SYT1: variants seen among roughly 807,000 people sequenced by gnomAD.
SYT1 encodes synaptotagmin 1.
SYT1 carries 8 observed loss-of-function variants against 44.8 expected under a neutral mutation model. That is an observed-to-expected ratio of 0.18 (90% CI 0.10 to 0.32). The LOEUF (loss-of-function observed/expected upper bound fraction) is 0.32, where lower values mean the gene tolerates loss of function less well. Ranked by LOEUF, SYT1 falls within the 10% of genes least tolerant of loss-of-function variation. SYT1 has a pLI of 1.00. For synonymous variants in SYT1, 154 were observed against 188.8 expected, an observed-to-expected ratio of 0.82 and a Z score of 1.51; for missense variants, 286 against 509.3, an observed-to-expected ratio of 0.56 and a Z score of 4.22.
chr12:79,277,347 G>A (rs746299010), intron 4 of SYT1, among the ~76,000 whole-genome samples: 41 of 152,096 alleles, frequency 2.7e-4, no homozygotes, highest in Non-Finnish European at 1.0e-4. Flanking sequence ...AAACCAGAAG[G>A]CCTTGGGGTC....
At chr12:79,439,205 C>T (rs1438837350) in intron 9 of SYT1, among the ~76,000 whole-genome samples, 1 of 152,164 alleles carries the variant, frequency 6.6e-6, no homozygotes, top group Admixed American at 6.5e-5. Context: ...TTGATTTACA[C>T]TATCCTACAG....
At chr12:78,957,733 A>T (rs1879285204) in intron 1 of SYT1, among the ~76,000 whole-genome samples, 1 of 152,102 alleles carries the variant, frequency 6.6e-6, no homozygotes, top group South Asian at 2.1e-4. Context: ...TGGGTTGTTA[A>T]GGTCCTGTGC....
At chr12:79,387,805 C>T (rs759377597) in intron 9 of SYT1, among the ~76,000 whole-genome samples, 22 of 152,218 alleles carry the variant, frequency 1.4e-4, no homozygotes, top group South Asian at 2.1e-4. Context: ...TTGTTTATAA[C>T]GCCAGGCAAC....
chr12:79,105,217 C>T (rs1261759023), intron 3 of SYT1, among the ~76,000 whole-genome samples: 2 of 152,272 alleles, frequency 1.3e-5, no homozygotes, highest in East Asian at 3.9e-4. Context: ...TTTCGAGCTT[C>T]AGCCTTCTCA....
intron 1 of SYT1, among the ~76,000 whole-genome samples, chr12:78,910,181 T>A (rs79979177): frequency 0.025 from 3,841 of 152,108 alleles, 180 homozygotes; most frequent in African/African-American, 0.087. Context: ...AGGGCAGTTG[T>A]CATCTTACAT....
At chr12:79,056,033 C>T (rs1874908358) in intron 3 of SYT1, among the ~76,000 whole-genome samples, 1 of 151,968 alleles carries the variant, frequency 6.6e-6, no homozygotes, top group African/African-American at 2.4e-5. Context: ...AGTACAGTGA[C>T]ATGTACAGGT....
At chr12:78,907,948 T>C (rs1182971958) in intron 1 of SYT1, among the ~76,000 whole-genome samples, 1 of 151,950 alleles carries the variant, frequency 6.6e-6, no homozygotes, top group Non-Finnish European at 1.5e-5. Flanking sequence ...TAGAGAAAAG[T>C]TTTTCTCCAA....
At chr12:79,320,300 T>C (rs1592963247) in intron 8 of SYT1, among the ~76,000 whole-genome samples, 2 of 152,312 alleles carry the variant, frequency 1.3e-5, no homozygotes, top group East Asian at 1.9e-4. Context: ...AAAAAGCACA[T>C]GCTGCATCTT....
chr12:78,968,150 A>C (rs1349811069), intron 1 of SYT1, among the ~76,000 whole-genome samples: 2 of 152,134 alleles, frequency 1.3e-5, no homozygotes, highest in African/African-American at 2.4e-5. Flanking sequence ...ATAGGATGCA[A>C]TGTGGAATTA....
At chr12:79,173,795 T>G (rs1465989797) in intron 3 of SYT1, among the ~76,000 whole-genome samples, 1 of 152,064 alleles carries the variant, frequency 6.6e-6, no homozygotes, top group Non-Finnish European at 1.5e-5. Flanking sequence ...TTTAATGAAT[T>G]TAGTCAGTAC....
Position 79,278,536 on chromosome 12 carries a change from A to G in SYT1, c.167-7251A>G, listed in dbSNP as rs577347801. Among the ~76,000 whole-genome samples the G allele has an allele frequency of 2.4e-4, 37 of 152,274 alleles. 1 individual carries two copies. In the South Asian group the frequency reaches 7.7e-3, roughly 32 times the overall value. ...GAGCAGAGCTAAGAGGGAAGTTTAC[A>G]ATGCTTAATGCCTACACAAAAAAGA... On this transcript the variant is annotated intron_variant, in intron 4 of 10. Transcript: ENST00000261205.
At chr12:79,421,176 A>G (rs922438796) in intron 9 of SYT1, among the ~76,000 whole-genome samples, 3 of 152,180 alleles carry the variant, frequency 2.0e-5, no homozygotes, top group Non-Finnish European at 4.4e-5. Flanking sequence ...ATGAATGAAT[A>G]AATAATAACA....
chr12:79,123,309 ATGTGTGTGTGTG>A (rs66869713), intron 3 of SYT1, among the ~76,000 whole-genome samples: 14 of 141,542 alleles, frequency 9.9e-5, no homozygotes, highest in South Asian at 2.4e-4. Flanking sequence ...TAAAAATGCA[ATGTGTGTGTGTG>A]TGTGTGTGTG....
intron 3 of SYT1, among the ~76,000 whole-genome samples, chr12:79,198,000 TTCTAAATATTAAA>T (rs1873564166): frequency 6.6e-6 from 1 of 152,106 alleles, no homozygotes; most frequent in Non-Finnish European, 1.5e-5. Flanking sequence ...AGAAAATTAA[TTCTAAATATTAAA>T]TCCATTTCTA....
intron 2 of SYT1, among the ~76,000 whole-genome samples, chr12:79,041,262 A>T (rs1249729436): frequency 6.6e-6 from 1 of 152,050 alleles, no homozygotes; most frequent in Non-Finnish European, 1.5e-5. Context: ...ATGAGCATGG[A>T]ATGTTCTTCC....
intron 9 of SYT1, among the ~76,000 whole-genome samples, chr12:79,394,484 G>A (rs999758054): frequency 6.6e-6 from 1 of 152,104 alleles, no homozygotes; most frequent in Non-Finnish European, 1.5e-5. Context: ...ACAGTCCTCA[G>A]GATGATTCAG....
chr12:79,229,378 CT>C (rs1859213327), intron 4 of SYT1, among the ~76,000 whole-genome samples: 1 of 152,128 alleles, frequency 6.6e-6, no homozygotes, highest in Non-Finnish European at 1.5e-5. Context: ...CCAAGGATTG[CT>C]TTGTTCAAAT....
chr12:79,404,325 T>A lies in SYT1; in HGVS notation c.929-39748T>A, dbSNP rs558855485. The stretch of plus-strand genomic sequence containing the variant: ...AAAAATGAAAAACTATAAATAGAAC[T>A]ACTGAGTGGCCACTTTTGAGCAAGA... On this transcript the variant is annotated intron_variant, in intron 9 of 10. Coordinates refer to ENST00000261205, the MANE Select transcript of SYT1 (RefSeq NM_005639.3). 2.0e-5 allele frequency among the ~76,000 whole-genome samples: 3 copies of A among 152,238 alleles called. No individual in the cohort carries two copies. The South Asian group carries it at 6.2e-4, about 32-fold the overall frequency.
At chr12:79,306,663 G>A (rs906392611) in intron 8 of SYT1, among the ~76,000 whole-genome samples, 6 of 152,158 alleles carry the variant, frequency 3.9e-5, no homozygotes, top group Non-Finnish European at 5.9e-5. Flanking sequence ...TGTTTTAATA[G>A]AAATCAATGT....
Sources: allele counts gnomAD v4.1 joint callset (sites outside exome capture counted in the v4.1 genomes callset), GRCh38; gene constraint gnomAD v4.1.1; transcripts MANE v1.5; gene names NCBI Gene and HGNC (gene_info 2026-07-23, HGNC 2026-07-21).